TG: variants seen among roughly 807,000 people sequenced by gnomAD.
TG encodes the protein thyroglobulin, also known as thyroid hormones.
TG carries 270 observed loss-of-function variants against 324.7 expected under a neutral mutation model. The observed-to-expected ratio is 0.83, with a 90% CI of 0.75 to 0.92. TG has a LOEUF of 0.92. Among genes scored for constraint, TG ranks in the 40% least tolerant of loss-of-function variants. The pLI, the probability that TG is intolerant of heterozygous loss-of-function variation, is 0.00. For synonymous variants in TG, 1,401 were observed against 1,327.0 expected (o/e 1.06, Z -1.21); for missense variants, 3,591 against 3,456.4 (o/e 1.04, Z -0.98).
At chr8:132,893,386 TGG>T (rs1222288056) in intron 10 of TG, among the ~76,000 whole-genome samples, 1 of 132,486 alleles carries the variant, frequency 7.5e-6, no homozygotes, top group African/African-American at 3.0e-5. Flanking sequence ...GTGTGTAGTG[TGG>T]GGGGGTGGTG....
At position 132,950,741 on chromosome 8, in the gene TG, C is replaced by T. The variant is rs534353709; in HGVS notation, c.5401+1798C>T. Among the ~76,000 whole-genome samples the T allele has an allele frequency of 5.3e-5, 8 of 152,282 alleles. No individual in the cohort carries two copies. The South Asian group carries it at 1.7e-3, about 32-fold the overall frequency. On this transcript the variant is annotated intron_variant, in intron 27 of 47. Coordinates refer to ENST00000220616, the MANE Select transcript of TG (RefSeq NM_003235.5). Reference sequence around the variant, plus strand: ...AATGTTTTCAGGCCTAATTGCCTGTCTATATAATGACAGTAATACCAGTAC... The same window carrying T: ...AATGTTTTCAGGCCTAATTGCCTGTTTATATAATGACAGTAATACCAGTAC...
chr8:133,029,883 C>A lies in TG; in HGVS notation c.7099C>A (p.Gln2367Lys), dbSNP rs1469626352. 1 of 1,614,208 alleles carries A rather than the reference C, an allele frequency of 6.2e-7. No individual in the cohort carries two copies. Among genetic ancestry groups the A allele is most frequent in the Non-Finnish European group, 8.5e-7 (1 of 1,180,036 alleles). The change falls in exon 41 of 48, where the codon CAG (glutamine) becomes AAG (lysine). Residue 2367 changes from glutamine to lysine, a missense_variant. Physicochemically the swap from Gln to Lys is moderately conservative, Grantham distance 53. Coordinates refer to ENST00000220616, the MANE Select transcript of TG (RefSeq NM_003235.5). ...LDQVAALTWV[Q>K]THIRGFGGDP... ...CCAGGTGGCGGCTCTGACCTGGGTGCAGACCCACATCCGAGGATTTGGCGG... is the reference window on the plus strand; with the variant it reads ...CCAGGTGGCGGCTCTGACCTGGGTGAAGACCCACATCCGAGGATTTGGCGG...
rs1255772508 is a variant in TG, at chr8:132,993,593, AATGTTACCCCTGCAGTTGTGCT to A, written c.6262+10185_6262+10206del. On this transcript the variant is annotated intron_variant, in intron 35 of 47. Coordinates refer to ENST00000220616, the MANE Select transcript of TG (RefSeq NM_003235.5). ...GGTCCTTTCACAGGTAATCTTTGTA[AATGTTACCCCTGCAGTTGTGCT>A]ATGCACAACCTGTGCAGCTGTACAT... Among the ~76,000 whole-genome samples, 9 of 152,274 alleles carry A rather than the reference AATGTTACCCCTGCAGTTGTGCT, an allele frequency of 5.9e-5. 1 individual carries two copies. In the South Asian group the frequency reaches 1.0e-3, roughly 18 times the overall value.
At chr8:132,923,065 A>C (rs113486647) in intron 21 of TG, among the ~76,000 whole-genome samples, 127 of 152,308 alleles carry the variant, frequency 8.3e-4, no homozygotes, top group African/African-American at 2.8e-3. Context: ...GTGTTGGAGC[A>C]AATGGTATCA....
At chr8:133,049,125 G>A (rs1839969567) in intron 41 of TG, 1 of 456,070 alleles carries the variant, frequency 2.2e-6, no homozygotes, top group South Asian at 1.5e-5. Flanking sequence ...CAAGATTTGT[G>A]CCCAGGTGTT....
chr8:132,890,318 G>A (rs558000678), intron 10 of TG, among the ~76,000 whole-genome samples: 14 of 152,276 alleles, frequency 9.2e-5, no homozygotes, highest in Admixed American at 9.1e-4. Flanking sequence ...TTAGTAGTAT[G>A]TGTATATGCC....
At chr8:133,099,693 C>G (rs1387026301) in intron 43 of TG, among the ~76,000 whole-genome samples, 1 of 152,186 alleles carries the variant, frequency 6.6e-6, no homozygotes, top group African/African-American at 2.4e-5. Context: ...AGCAACTAAA[C>G]AACTCATCCT....
At chr8:133,074,462 A>G (rs1229867220) in intron 41 of TG, among the ~76,000 whole-genome samples, 1 of 152,122 alleles carries the variant, frequency 6.6e-6, no homozygotes, top group African/African-American at 2.4e-5. Flanking sequence ...AGGTACCATC[A>G]TTGTCACTTT....
chr8:133,106,300 G>A (rs2958675), intron 43 of TG: 166,955 of 604,698 alleles, frequency 0.28, 24,162 homozygotes, highest in African/African-American at 0.44. Context: ...CAGGGCCAGG[G>A]GGAAGCAGCG....
chr8:132,904,877 C>G (rs1439909432), intron 16 of TG, among the ~76,000 whole-genome samples: 1 of 152,192 alleles, frequency 6.6e-6, no homozygotes, highest in Non-Finnish European at 1.5e-5. Context: ...CCTATGTACA[C>G]ACATGCATCT....
chr8:133,045,387 C>CT (rs5895172), intron 41 of TG, among the ~76,000 whole-genome samples: 1,872 of 65,800 alleles, frequency 0.028, 59 homozygotes, highest in African/African-American at 0.051. Flanking sequence ...ATCCTCTTTG[C>CT]TTTTTTTTTT....
At chr8:133,059,584 C>T (rs866352794) in intron 41 of TG, among the ~76,000 whole-genome samples, 4 of 152,012 alleles carry the variant, frequency 2.6e-5, no homozygotes, top group Middle Eastern at 3.2e-3. Context: ...TGCAATCCCA[C>T]CAATGGGACA....
At chr8:132,988,125 G>A (rs1334502864) in intron 35 of TG, among the ~76,000 whole-genome samples, 2 of 150,098 alleles carry the variant, frequency 1.3e-5, no homozygotes, top group African/African-American at 4.9e-5. Flanking sequence ...AAGCAATTAG[G>A]TCTCCAGACA....
chr8:133,026,445 T>C (rs534312649), intron 40 of TG, among the ~76,000 whole-genome samples: 67 of 152,072 alleles, frequency 4.4e-4, no homozygotes, highest in African/African-American at 1.6e-3. Flanking sequence ...AGTTGCTGGG[T>C]GAAGGGAGGC....
At chr8:133,026,200 A>G (rs1048186398) in intron 40 of TG, among the ~76,000 whole-genome samples, 2 of 152,160 alleles carry the variant, frequency 1.3e-5, no homozygotes, top group African/African-American at 2.4e-5. Context: ...GCATCATCTC[A>G]TTTGATAAAT....
At chr8:132,904,311 A>G (rs1587336840) in intron 16 of TG, among the ~76,000 whole-genome samples, 1 of 152,202 alleles carries the variant, frequency 6.6e-6, no homozygotes, top group African/African-American at 2.4e-5. Flanking sequence ...TAGTCCAATC[A>G]CCAACACATG....
At chr8:132,999,275 G>A (rs1037325793) in intron 35 of TG, among the ~76,000 whole-genome samples, 7 of 151,866 alleles carry the variant, frequency 4.6e-5, no homozygotes, top group Non-Finnish European at 1.5e-5. Flanking sequence ...TTGGGGGAAG[G>A]TATGTGGTTG....
rs368355594 is a variant in TG at position 132,969,500 on chromosome 8, C to G, written c.5906C>G (p.Pro1969Arg). Residue 1969 changes from proline (P) to arginine (R), a missense_variant, in exon 32 of 48, where the codon CCG becomes CGG. Pro to Arg is a moderately radical substitution (Grantham distance 103). Coordinates refer to ENST00000220616, the MANE Select transcript of TG (RefSeq NM_003235.5). ...DKVKNFYTRL[P>R]FQKLMGISIR... ...GTGAAGAACTTTTACACTCGCCTGCCGTTCCAAAAACTGATGGGGATATCC... is the reference window on the plus strand; with the variant it reads ...GTGAAGAACTTTTACACTCGCCTGCGGTTCCAAAAACTGATGGGGATATCC... The G allele has an allele frequency of 1.9e-6, 3 of 1,613,920 alleles. No individual in the cohort carries two copies. Among genetic ancestry groups the G allele is most frequent in the Non-Finnish European group, 2.5e-6 (3 of 1,179,882 alleles).
chr8:133,058,986 C>A, intron 41 of TG: 1 of 468,690 alleles, frequency 2.1e-6, no homozygotes, highest in East Asian at 6.6e-5. Context: ...ACCACACAAG[C>A]TGGGCCTGTC....
Sources: gnomAD v4.1 joint callset for allele counts (sites outside exome capture counted in the v4.1 genomes callset) on GRCh38, gnomAD v4.1.1 for gene constraint, MANE v1.5 for transcripts, NCBI Gene and HGNC (gene_info 2026-07-23, HGNC 2026-07-21) for gene names.